Variants in PADI2 observed in about 807,000 individuals in gnomAD.
The protein encoded by PADI2 is protein-arginine deiminase type-2.
Under a neutral mutation model 81.1 loss-of-function variants are expected in PADI2, and 70 were observed. The ratio of observed to expected loss-of-function variants is 0.86; its 90% CI spans 0.71 to 1.05. The LOEUF (loss-of-function observed/expected upper bound fraction) is 1.05. PADI2 is among the 50% of genes least tolerant of loss of function. The pLI, the probability that PADI2 is intolerant of heterozygous loss-of-function variation, is 0.00. For synonymous variants in PADI2, 338 were observed against 358.0 expected, an observed-to-expected ratio of 0.94 and a Z score of 0.63; for missense variants, 853 against 889.9, an observed-to-expected ratio of 0.96 and a Z score of 0.53.
chr1:17,104,781 G>GC lies in PADI2; in HGVS notation c.276+96_276+97insG. 3 of 1,061,456 alleles carry GC rather than the reference G, an allele frequency of 2.8e-6. No individual in the cohort carries two copies. The South Asian group carries it at 5.9e-5, about 21-fold the overall frequency. 65.8% of individuals were successfully genotyped at this position (1,061,456 alleles called of 1,614,324 possible). ...TACTGCAGAACTGAAAATGACACAT[G>GC]GCCCACGTGCAGTTTCTATGGGACA... On this transcript the variant is annotated intron_variant, in intron 2 of 15. Transcript: ENST00000375486.
At chr1:17,108,543 C>G (rs1286988020) in intron 1 of PADI2, among the ~76,000 whole-genome samples, 3 of 152,022 alleles carry the variant, frequency 2.0e-5, no homozygotes, top group Non-Finnish European at 4.4e-5. Flanking sequence ...CCTCTCCCAT[C>G]TTCATTCTTC....
chr1:17,084,729 G>T (rs764801536), intron 7 of PADI2, 27 bp from the exon 8 acceptor site: 1 of 1,440,800 alleles, frequency 6.9e-7, no homozygotes, highest in Non-Finnish European at 9.5e-7. Flanking sequence ...AGGCGTGGGG[G>T]ATCAAAAGGT....
At chr1:17,101,220 C>T (rs1217818714) in intron 3 of PADI2, among the ~76,000 whole-genome samples, 1 of 152,186 alleles carries the variant, frequency 6.6e-6, no homozygotes, top group Non-Finnish European at 1.5e-5. Context: ...CTAAGCACAG[C>T]TTTGTCATCT....
At chr1:17,104,794 T>G (rs1931298969) in intron 2 of PADI2, 84 bp downstream of exon 2, 1 of 1,221,782 alleles carries the variant, frequency 8.2e-7, no homozygotes, top group Non-Finnish European at 1.1e-6. Flanking sequence ...CCACGTGCAG[T>G]TTCTATGGGA....
At chr1:17,080,751 T>C (rs1380314621) in intron 10 of PADI2, among the ~76,000 whole-genome samples, 1 of 152,216 alleles carries the variant, frequency 6.6e-6, no homozygotes, top group Admixed American at 6.5e-5. Context: ...ATTTTAACAT[T>C]CCTCTCATGG....
chr1:17,095,098 TTATTATAAAAGTCACA>T (rs1434023593), intron 4 of PADI2, among the ~76,000 whole-genome samples: 1 of 152,202 alleles, frequency 6.6e-6, no homozygotes, highest in Non-Finnish European at 1.5e-5. Context: ...CTTCAGAGTG[TTATTATAAAAGTCACA>T]TATGCCCATG....
At chr1:17,085,346 G>C (rs1042321564) in intron 7 of PADI2, among the ~76,000 whole-genome samples, 2 of 152,194 alleles carry the variant, frequency 1.3e-5, no homozygotes, top group Non-Finnish European at 2.9e-5. Context: ...GGAGGTGCGG[G>C]GGTGGTGGGA....
At chr1:17,101,795 A>G (rs1931155845) in intron 3 of PADI2, among the ~76,000 whole-genome samples, 1 of 152,062 alleles carries the variant, frequency 6.6e-6, no homozygotes, top group Admixed American at 6.5e-5. Context: ...CATCTCACCA[A>G]CCATTTTCTG....
chr1:17,074,539 G>A (rs938704141), intron 13 of PADI2, among the ~76,000 whole-genome samples: 6 of 152,204 alleles, frequency 3.9e-5, no homozygotes, highest in African/African-American at 7.2e-5. Flanking sequence ...CCAGCTGCAT[G>A]TCAGTTTTCA....
At chr1:17,089,620 T>C (rs1181959202) in intron 6 of PADI2, among the ~76,000 whole-genome samples, 2 of 152,098 alleles carry the variant, frequency 1.3e-5, no homozygotes, top group Non-Finnish European at 1.5e-5. Context: ...GCACCTCTAT[T>C]CTGGGCTGCT....
chr1:17,069,825 A>T (rs1459243889), intron 15 of PADI2, among the ~76,000 whole-genome samples: 2 of 152,212 alleles, frequency 1.3e-5, no homozygotes, highest in East Asian at 3.9e-4. Context: ...TACATAAAGG[A>T]CTTCTAATCT....
chr1:17,113,441 C>G (rs1485225101), intron 1 of PADI2, among the ~76,000 whole-genome samples: 1 of 152,150 alleles, frequency 6.6e-6, no homozygotes, highest in Non-Finnish European at 1.5e-5. Flanking sequence ...CACATTGAGG[C>G]CCCTAGAGGG....
rs755312213 is a variant in PADI2, at chr1:17,079,341, C to A, written c.1233G>T (p.Leu411=). ...SVTSLDSFGN[L]EVSPPVTVNG... is the part of the protein sequence containing the mutation. ...TCACGGTCACTGGGGGACTGACCTC[C>A]AGGTTTCCAAATGAGTCAAGGCTGG... The change falls in exon 11 of 16, where the codon CTG becomes CTT. Residue 411 remains leucine (L), a synonymous_variant. Transcript: ENST00000375486. 6.2e-7 allele frequency: 1 copy of A among 1,614,116 alleles called. No individual in the cohort carries two copies. Among genetic ancestry groups the A allele is most frequent in the Admixed American group, 1.7e-5 (1 of 60,030 alleles).
chr1:17,086,089 A>T (rs1930399342), intron 7 of PADI2, among the ~76,000 whole-genome samples: 1 of 152,202 alleles, frequency 6.6e-6, no homozygotes, highest in African/African-American at 2.4e-5. Flanking sequence ...GCCTGCAGTC[A>T]GAGTTGGTAT....
intron 8 of PADI2, among the ~76,000 whole-genome samples, 185 bp from the exon 9 acceptor site, chr1:17,084,022 A>C (rs1233971411): frequency 6.6e-6 from 1 of 152,092 alleles, no homozygotes. Flanking sequence ...CCACCCACTC[A>C]TGTGGCGTTT....
intron 1 of PADI2, among the ~76,000 whole-genome samples, chr1:17,107,797 T>C (rs933601208): frequency 1.3e-5 from 2 of 152,154 alleles, no homozygotes; most frequent in Non-Finnish European, 1.5e-5. Context: ...CGGCAGCCTG[T>C]GGCCAGTGCT....
rs774637141 is a variant in PADI2 at position 17,068,021 on chromosome 1, G to T, written c.*1023C>A. 1.3e-5 allele frequency: 2 copies of T among 152,718 alleles called. No homozygotes were observed. Among genetic ancestry groups the T allele is most frequent in the Non-Finnish European group, 2.9e-5 (2 of 68,088 alleles). The allele number at this position is 152,718 out of a possible 1,614,324, so 9.5% of individuals were successfully genotyped here. On this transcript the variant is annotated 3_prime_UTR_variant, in exon 16 of 16. Transcript: ENST00000375486. ...GTTGGCAGCTGACCCAGAACTGGCT[G>T]TTGGGCTGGAGGGTAGGCCAGGGTC...
rs566030124 is a variant in PADI2, at chr1:17,111,024, T to C, written c.93-5963A>G. Reference sequence around the variant, plus strand: ...ATGTGCCAGGCACAGTTCTAGGCATTGAGGGGTAGATTAGTGAAAAAGCAA... The same window carrying C: ...ATGTGCCAGGCACAGTTCTAGGCATCGAGGGGTAGATTAGTGAAAAAGCAA... On this transcript the variant is annotated intron_variant, in intron 1 of 15. Coordinates refer to ENST00000375486, the MANE Select transcript of PADI2 (RefSeq NM_007365.3). 7.1e-4 allele frequency among the ~76,000 whole-genome samples: 107 copies of C among 151,532 alleles called. 1 individual carries two copies. Among genetic ancestry groups the C allele is most frequent in the African/African-American group, 2.4e-3 (101 of 41,264 alleles).
intron 9 of PADI2, chr1:17,083,054 G>C (rs1026317729): frequency 6.4e-6 from 1 of 157,212 alleles, no homozygotes; most frequent in East Asian, 2.0e-4. Context: ...ATTTTTTTTT[G>C]TGGAGTCAGG....
Sources: gnomAD v4.1 joint callset for allele counts (sites outside exome capture counted in the v4.1 genomes callset) on GRCh38, gnomAD v4.1.1 for gene constraint, MANE v1.5 for transcripts, NCBI Gene and HGNC (gene_info 2026-07-23, HGNC 2026-07-21) for gene names.